The following JAK2 variants were observed in gnomAD, a reference collection of about 807,000 sequenced individuals.
JAK2 encodes the protein Janus kinase 2.
JAK2 carries 86 observed loss-of-function variants against 139.3 expected under a neutral mutation model. The ratio of observed to expected loss-of-function variants is 0.62; its 90% CI spans 0.52 to 0.74. The LOEUF is 0.74. JAK2 is among the 30% of genes least tolerant of loss of function. JAK2 has a pLI of 0.00. For missense variants in JAK2, 1,421 were observed against 1,360.3 expected (o/e 1.04, Z -0.70); for synonymous variants, 490 against 437.7 (o/e 1.12, Z -1.49).
intron 14 of JAK2, among the ~76,000 whole-genome samples, chr9:5,074,910 A>T (rs1245881321): frequency 6.6e-6 from 1 of 152,216 alleles, no homozygotes; most frequent in Non-Finnish European, 1.5e-5. Context: ...GCAAGTTATG[A>T]ATCCAAAGGA....
chr9:5,107,174 G>C (rs1188431607), intron 22 of JAK2, among the ~76,000 whole-genome samples: 2 of 152,018 alleles, frequency 1.3e-5, no homozygotes, highest in African/African-American at 4.8e-5. Context: ...AGTATAAAGA[G>C]TACCATTGAC....
intron 9 of JAK2, among the ~76,000 whole-genome samples, chr9:5,065,904 ATATT>A (rs1373730068): frequency 6.6e-6 from 1 of 152,210 alleles, no homozygotes; most frequent in Non-Finnish European, 1.5e-5. Flanking sequence ...TCTATGCTTA[ATATT>A]TATTTAGTAA....
chr9:5,020,088 G>T (rs1362799807), intron 2 of JAK2, among the ~76,000 whole-genome samples: 1 of 152,136 alleles, frequency 6.6e-6, no homozygotes, highest in African/African-American at 2.4e-5. Flanking sequence ...CAGGCCCCTG[G>T]GCAGTGAGCA....
At chr9:5,056,874 A>G (rs1274891253) in intron 8 of JAK2, among the ~76,000 whole-genome samples, 2 of 152,172 alleles carry the variant, frequency 1.3e-5, no homozygotes, top group African/African-American at 4.8e-5. Flanking sequence ...AAGTTAAGTA[A>G]CTTTCCAAGG....
chr9:5,101,238 C>G (rs376942834), intron 22 of JAK2, among the ~76,000 whole-genome samples: 10 of 152,248 alleles, frequency 6.6e-5, no homozygotes, highest in Non-Finnish European at 5.9e-5. Context: ...TATCCCATGT[C>G]TGGCTTGGCA....
rs768835854 is a variant in JAK2 at position 5,073,678 on chromosome 9, G to C, written c.1777-20G>C. On this transcript the variant is annotated intron_variant, in intron 13 of 24. Transcript: ENST00000381652. ...GACAACAGTCAAACAACAATTCTTTGTACTTTTTTTTTTCCTTAGTCTTTC... is the reference window on the plus strand; with the variant it reads ...GACAACAGTCAAACAACAATTCTTTCTACTTTTTTTTTTCCTTAGTCTTTC... 1 of 1,564,462 alleles carries C rather than the reference G, an allele frequency of 6.4e-7. No homozygotes were observed.
chr9:5,090,570 G>T lies in JAK2; in HGVS notation c.2886G>T (p.Lys962Asn). The change falls in exon 21 of 25, where the codon AAG (lysine) becomes AAT (asparagine). Residue 962 changes from lysine (K) to asparagine (N), a missense_variant and splice_region_variant. Transcript: ENST00000381652. Reference protein sequence around the residue: ...KLLQYTSQICKGMEYLGTKRY... With the variant: ...KLLQYTSQICNGMEYLGTKRY... ...TGCAGTACACATCTCAGATATGCAA[G>T]GTAACTAATATCCTGATTATTTGCT... The T allele has an allele frequency of 6.4e-7, 1 of 1,568,516 alleles. No individual in the cohort carries two copies. The highest frequency in any genetic ancestry group is 1.2e-5 in the South Asian group (1 of 81,804).
Position 5,033,933 on chromosome 9 carries a change from GAC to G in JAK2, c.350+4031_350+4032del, listed in dbSNP as rs1164925227. Among the ~76,000 whole-genome samples, 3 of 152,244 alleles carry G rather than the reference GAC, an allele frequency of 2.0e-5. No individual in the cohort carries two copies. In the East Asian group the frequency reaches 5.8e-4, roughly 29 times the overall value. ...AATGGGCTAAATGCTCCAATTAAAAGACACAGACTGGTAAACTGGATAAAGAG... is the reference window on the plus strand; with the variant it reads ...AATGGGCTAAATGCTCCAATTAAAAGACAGACTGGTAAACTGGATAAAGAG... On this transcript the variant is annotated intron_variant, in intron 4 of 24. Transcript: ENST00000381652.
At chr9:5,078,467 A>G in intron 16 of JAK2, 23 bp downstream of exon 16, 2 of 1,589,846 alleles carry the variant, frequency 1.3e-6, no homozygotes, top group East Asian at 2.3e-5. Context: ...AGGATTATAT[A>G]TAATGTTACT....
Position 5,089,871 on chromosome 9 carries a change from GC to G in JAK2, c.2761+11del. On this transcript the variant is annotated intron_variant, in intron 20 of 24. Coordinates refer to ENST00000381652, the MANE Select transcript of JAK2 (RefSeq NM_004972.4). Reference sequence around the variant, plus strand: ...GAGTGTGCTACAGTGCTGGTAAGCTGCCCATTGAAACCTATTTTAAATTCAA... The same window carrying G: ...GAGTGTGCTACAGTGCTGGTAAGCTGCCATTGAAACCTATTTTAAATTCAA... 6.9e-7 allele frequency: 1 copy of G among 1,451,062 alleles called. No homozygotes were observed. Among genetic ancestry groups the G allele is most frequent in the Non-Finnish European group, 9.1e-7 (1 of 1,101,536 alleles). 89.9% of individuals were successfully genotyped at this position (1,451,062 alleles called of 1,614,324 possible). A position where few individuals can be genotyped will look rare whatever the true frequency, so the allele number is the denominator to read the frequency against.
At chr9:5,056,002 G>C (rs1021147862) in intron 8 of JAK2, among the ~76,000 whole-genome samples, 1 of 151,840 alleles carries the variant, frequency 6.6e-6, no homozygotes, top group Non-Finnish European at 1.5e-5. Flanking sequence ...GTACATTACT[G>C]TACTTTTTTT....
At chr9:5,089,255 G>A (rs1318034491) in intron 19 of JAK2, among the ~76,000 whole-genome samples, 2 of 151,930 alleles carry the variant, frequency 1.3e-5, no homozygotes, top group African/African-American at 4.8e-5. Flanking sequence ...AAGATAGTCT[G>A]CTGCTGGGCA....
chr9:5,030,837 C>G (rs1371090590), intron 4 of JAK2, among the ~76,000 whole-genome samples: 1 of 151,772 alleles, frequency 6.6e-6, no homozygotes, highest in South Asian at 2.1e-4. Flanking sequence ...GTATAATTTG[C>G]ACTGAGTTCA....
rs539762562 is a variant in JAK2 at position 5,005,776 on chromosome 9, A to C, written c.-25-16187A>C. Among the ~76,000 whole-genome samples, 3 of 152,322 alleles carry C rather than the reference A, an allele frequency of 2.0e-5. No individual in the cohort carries two copies. The South Asian group carries it at 6.2e-4, about 32-fold the overall frequency. On this transcript the variant is annotated intron_variant, in intron 2 of 24. Coordinates refer to ENST00000381652, the MANE Select transcript of JAK2 (RefSeq NM_004972.4). ...TTTGGAAAAATTTACCAGCAAAGTC[A>C]CTGGGCATTACATTTTCTATGTGGA...
At chr9:5,061,744 T>C (rs1339554916) in intron 8 of JAK2, among the ~76,000 whole-genome samples, 2 of 152,248 alleles carry the variant, frequency 1.3e-5, no homozygotes, top group Admixed American at 6.5e-5. Flanking sequence ...ACTTTTCCTT[T>C]GGATTCATAA....
At position 5,065,025 on chromosome 9, in the gene JAK2, G is replaced by A. The variant is rs1818469859; in HGVS notation, c.1199G>A (p.Cys400Tyr). ...GTGCTTGAAAATATACAAAGCAACT[G>A]TCATGGCCCAATTTCGTGAGTAATA... ...PAVLENIQSN[C>Y]HGPISMDFAI... is the part of the protein sequence containing the mutation. Residue 400 changes from cysteine to tyrosine, a missense_variant, in exon 9 of 25, where the codon TGT becomes TAT. Transcript: ENST00000381652. 1.9e-6 allele frequency: 3 copies of A among 1,588,268 alleles called. No homozygotes were observed. The highest frequency in any genetic ancestry group is 2.6e-6 in the Non-Finnish European group (3 of 1,168,934).
chr9:5,070,002 C>A lies in JAK2; in HGVS notation c.1591C>A (p.His531Asn). 6.2e-7 allele frequency: 1 copy of A among 1,608,070 alleles called. No individual in the cohort carries two copies. The highest frequency in any genetic ancestry group is 1.7e-5 in the Admixed American group (1 of 59,590). The change falls in exon 12 of 25, where the codon CAT becomes AAT. Residue 531 changes from histidine (H) to asparagine (N), a missense_variant. Coordinates refer to ENST00000381652, the MANE Select transcript of JAK2 (RefSeq NM_004972.4). ...PTSPTLQRPTHMNQMVFHKIR... is the reference protein window; with the variant it reads ...PTSPTLQRPTNMNQMVFHKIR... ...CTCACCAACATTACAGAGGCCTACTCATATGAACCAAATGGTGTTTCACAA... is the reference window on the plus strand; with the variant it reads ...CTCACCAACATTACAGAGGCCTACTAATATGAACCAAATGGTGTTTCACAA...
chr9:5,067,383 A>G (rs929735604), intron 10 of JAK2, among the ~76,000 whole-genome samples: 3 of 152,172 alleles, frequency 2.0e-5, no homozygotes, highest in Non-Finnish European at 2.9e-5. Context: ...CTTATGAGGC[A>G]ATTTCATGGT....
intron 3 of JAK2, among the ~76,000 whole-genome samples, chr9:5,029,507 A>T (rs1012232653): frequency 3.9e-5 from 6 of 152,190 alleles, no homozygotes; most frequent in African/African-American, 1.4e-4. Flanking sequence ...CTAGATTCAC[A>T]CTTGCTCTAA....
Sources: gnomAD v4.1 joint callset for allele counts (sites outside exome capture counted in the v4.1 genomes callset) on GRCh38, gnomAD v4.1.1 for gene constraint, MANE v1.5 for transcripts, NCBI Gene and HGNC (gene_info 2026-07-23, HGNC 2026-07-21) for gene names.